The following SLC39A11 variants were observed in gnomAD, a reference collection of about 807,000 sequenced individuals.
SLC39A11 encodes solute carrier family 39 member 11.
Under a neutral mutation model 36.1 loss-of-function variants are expected in SLC39A11, and 33 were observed. That is an observed-to-expected ratio of 0.91 (90% confidence interval 0.69 to 1.22). SLC39A11 has a LOEUF of 1.22. SLC39A11 is among the 50% of genes most tolerant of loss of function. SLC39A11 has a pLI of 0.00. For synonymous variants in SLC39A11, 166 were observed against 170.3 expected (o/e 0.97, Z 0.20); for missense variants, 432 against 430.3 (o/e 1.00, Z -0.03).
intron 4 of SLC39A11, among the ~76,000 whole-genome samples, chr17:72,995,617 C>T (rs1165188723): frequency 2.0e-5 from 3 of 152,190 alleles, no homozygotes; most frequent in East Asian, 1.9e-4. Flanking sequence ...GTGGAAGAAC[C>T]ATGAATTCAC....
chr17:72,740,290 C>T (rs2074632082), intron 6 of SLC39A11, among the ~76,000 whole-genome samples: 1 of 152,192 alleles, frequency 6.6e-6, no homozygotes, highest in South Asian at 2.1e-4. Context: ...TGGTCTTGAT[C>T]TCCTGACCTC....
chr17:72,758,352 C>T (rs2075441800), intron 6 of SLC39A11, among the ~76,000 whole-genome samples: 1 of 152,218 alleles, frequency 6.6e-6, no homozygotes, highest in Non-Finnish European at 1.5e-5. Flanking sequence ...TCTCTAGCTA[C>T]ATGTGGCATG....
chr17:72,694,368 G>A (rs986247472), intron 7 of SLC39A11, among the ~76,000 whole-genome samples: 1 of 152,228 alleles, frequency 6.6e-6, no homozygotes, highest in Non-Finnish European at 1.5e-5. Flanking sequence ...TGGCTCCTTA[G>A]GATACCTCCC....
intron 4 of SLC39A11, among the ~76,000 whole-genome samples, chr17:72,971,115 T>C (rs1162923930): frequency 6.6e-6 from 1 of 152,220 alleles, no homozygotes; most frequent in Non-Finnish European, 1.5e-5. Context: ...GATCAGTCTC[T>C]GCTGACCATA....
chr17:72,845,911 T>G (rs977133013), intron 6 of SLC39A11, among the ~76,000 whole-genome samples: 1 of 152,164 alleles, frequency 6.6e-6, no homozygotes, highest in Non-Finnish European at 1.5e-5. Flanking sequence ...AATTTATTTT[T>G]TATTTTACTA....
chr17:72,920,518 G>A (rs1234430965), intron 5 of SLC39A11, among the ~76,000 whole-genome samples: 3 of 151,396 alleles, frequency 2.0e-5, no homozygotes, highest in Non-Finnish European at 4.4e-5. Context: ...TTATAGAAAT[G>A]CCACCTTCTC....
rs568434250 is a variant in SLC39A11 at position 72,689,531 on chromosome 17, T to C, written c.672-40263A>G. 5.9e-5 allele frequency among the ~76,000 whole-genome samples: 9 copies of C among 152,184 alleles called. No individual in the cohort carries two copies. In the East Asian group the frequency reaches 1.7e-3, roughly 29 times the overall value. ...AGCATTATTCACAATCGCCAAAAGG[T>C]AGAAACAACCCAATTGTCCATGAGC... On this transcript the variant is annotated intron_variant, in intron 7 of 9. Coordinates refer to ENST00000255559, the MANE Select transcript of SLC39A11 (RefSeq NM_139177.4).
intron 4 of SLC39A11, among the ~76,000 whole-genome samples, chr17:73,005,266 C>T (rs1010724009): frequency 6.6e-6 from 1 of 152,200 alleles, no homozygotes; most frequent in East Asian, 1.9e-4. Context: ...GCGTGAGCCA[C>T]CGTGCCCGGC....
chr17:72,903,283 A>AG (rs1410260278), intron 5 of SLC39A11, among the ~76,000 whole-genome samples: 1 of 151,578 alleles, frequency 6.6e-6, no homozygotes, highest in Non-Finnish European at 1.5e-5. Context: ...AAAAAAAAAA[A>AG]AAAAAAGAAA....
At chr17:72,823,679 TC>T (rs2077892692) in intron 6 of SLC39A11, 1 of 151,328 alleles carries the variant, frequency 6.6e-6, no homozygotes, top group African/African-American at 2.4e-5. Context: ...TGCTCAATAA[TC>T]CCAAATAGGG....
intron 3 of SLC39A11, among the ~76,000 whole-genome samples, chr17:73,070,465 C>T (rs2060129501): frequency 6.6e-6 from 1 of 152,186 alleles, no homozygotes. Context: ...TAAGCATTAA[C>T]TCAGTTGAAT....
intron 4 of SLC39A11, among the ~76,000 whole-genome samples, chr17:73,026,517 CAAAAAAA>C (rs548390962): frequency 6.6e-5 from 5 of 75,600 alleles, no homozygotes; most frequent in Non-Finnish European, 1.2e-4. Flanking sequence ...GAAACTACAT[CAAAAAAA>C]AAAAAAAAAA....
intron 4 of SLC39A11, among the ~76,000 whole-genome samples, chr17:72,995,976 G>A (rs1238167981): frequency 6.6e-6 from 1 of 151,720 alleles, no homozygotes; most frequent in Non-Finnish European, 1.5e-5. Flanking sequence ...ACCCCTAATT[G>A]TCTTCCTTAA....
chr17:73,085,924 G>C (rs370260828), intron 2 of SLC39A11, among the ~76,000 whole-genome samples: 3 of 152,136 alleles, frequency 2.0e-5, no homozygotes, highest in Non-Finnish European at 2.9e-5. Context: ...CGATGGGAAC[G>C]CACACACATA....
chr17:72,973,867 G>A (rs2087640737), intron 4 of SLC39A11, among the ~76,000 whole-genome samples: 1 of 151,986 alleles, frequency 6.6e-6, no homozygotes, highest in South Asian at 2.1e-4. Flanking sequence ...GCCAGTAAGT[G>A]ATTCAGTAGG....
intron 4 of SLC39A11, among the ~76,000 whole-genome samples, chr17:72,995,687 G>A (rs1469650597): frequency 6.6e-6 from 1 of 152,160 alleles, no homozygotes; most frequent in Non-Finnish European, 1.5e-5. Context: ...GGCACTCCTG[G>A]TTCCTGGGCT....
In SLC39A11 at chr17:72,646,983, T is replaced by G. The variant is rs530193872; in HGVS notation, c.*601A>C. 7.8e-4 allele frequency: 117 copies of G among 150,588 alleles called. No homozygotes were observed. The highest frequency in any genetic ancestry group is 2.8e-3 in the African/African-American group (113 of 40,958). The allele number at this position is 150,588 out of a possible 1,614,324, so 9.3% of individuals were successfully genotyped here. ...AAAAAAAAAAGCCAGACTAGCCAAT[T>G]TCCTTCCCTTTTTCTGTGTCCCCCT... is the stretch of plus-strand genomic sequence containing the variant. On this transcript the variant is annotated 3_prime_UTR_variant, in exon 10 of 10. Transcript: ENST00000255559.
Position 72,647,456 on chromosome 17 carries a change from G to A in SLC39A11, c.*128C>T. 1 of 684,254 alleles carries A rather than the reference G, an allele frequency of 1.5e-6. No homozygotes were observed. The highest frequency in any genetic ancestry group is 2.5e-6 in the Non-Finnish European group (1 of 401,780). The allele number at this position is 684,254 out of a possible 1,614,324, so 42.4% of individuals were successfully genotyped here. ...GTTCTATTATAATCAGAGTCAATCAGGATAATGAGATGAAGAAGAGAGGAA... is the reference window on the plus strand; with the variant it reads ...GTTCTATTATAATCAGAGTCAATCAAGATAATGAGATGAAGAAGAGAGGAA... On this transcript the variant is annotated 3_prime_UTR_variant, in exon 10 of 10. Transcript: ENST00000255559.
intron 3 of SLC39A11, among the ~76,000 whole-genome samples, chr17:73,057,133 G>A (rs1444176099): frequency 6.6e-6 from 1 of 152,034 alleles, no homozygotes; most frequent in Non-Finnish European, 1.5e-5. Context: ...TGTGGGAGAT[G>A]TATATACATG....
Sources: allele counts gnomAD v4.1 joint callset (sites outside exome capture counted in the v4.1 genomes callset), GRCh38; gene constraint gnomAD v4.1.1; transcripts MANE v1.5; gene names NCBI Gene and HGNC (gene_info 2026-07-23, HGNC 2026-07-21).